Variants in TSEN2 observed in about 807,000 individuals in gnomAD.
TSEN2 encodes the protein tRNA splicing endonuclease subunit 2.
Under a neutral mutation model 59.2 loss-of-function variants are expected in TSEN2, and 54 were observed. That is an observed-to-expected ratio of 0.91 (90% confidence interval 0.73 to 1.14). The LOEUF is 1.14. Ranked by LOEUF, TSEN2 falls within the 50% of genes most tolerant of loss-of-function variation. TSEN2 has a pLI of 0.00. For missense variants in TSEN2, 636 were observed against 576.2 expected (o/e 1.10, Z -1.06); for synonymous variants, 195 against 198.2 (o/e 0.98, Z 0.14).
intron 6 of TSEN2, among the ~76,000 whole-genome samples, chr3:12,510,253 C>T (rs116508655): frequency 0.026 from 3,965 of 152,196 alleles, 176 homozygotes; most frequent in African/African-American, 0.089. Flanking sequence ...ACCTTGCCAC[C>T]GTCACCAGAC....
intron 8 of TSEN2, among the ~76,000 whole-genome samples, 181 bp from the exon 9 acceptor site, chr3:12,528,707 G>A (rs554628243): frequency 2.0e-5 from 3 of 152,306 alleles, no homozygotes; most frequent in South Asian, 4.1e-4. Context: ...GTGACAGAGC[G>A]AGACCCTGTC....
At chr3:12,486,179 T>C (rs2052595104) in intron 1 of TSEN2, among the ~76,000 whole-genome samples, 1 of 152,172 alleles carries the variant, frequency 6.6e-6, no homozygotes, top group African/African-American at 2.4e-5. Flanking sequence ...ATGCAGTGAG[T>C]GCCTCTGGCA....
intron 4 of TSEN2, among the ~76,000 whole-genome samples, chr3:12,498,861 A>G (rs56738535): frequency 0.014 from 2,125 of 152,320 alleles, 54 homozygotes; most frequent in African/African-American, 0.046. Flanking sequence ...TTTGCTAAAT[A>G]TAAGAAAAAT....
chr3:12,525,753 AAG>A (rs2057023979), intron 8 of TSEN2, among the ~76,000 whole-genome samples: 1 of 151,212 alleles, frequency 6.6e-6, no homozygotes, highest in Non-Finnish European at 1.5e-5. Context: ...TTAGTAGAGA[AAG>A]GGTTTCAATG....
At chr3:12,536,707 A>G (rs914552923), downstream of TSEN2, among the ~76,000 whole-genome samples, 3 of 152,076 alleles carry the variant, frequency 2.0e-5, no homozygotes, top group Non-Finnish European at 4.4e-5. Context: ...GGTCTTATTT[A>G]TAAGAGGAGG....
At chr3:12,508,715 T>A (rs574172949) in intron 6 of TSEN2, among the ~76,000 whole-genome samples, 1 of 152,302 alleles carries the variant, frequency 6.6e-6, no homozygotes, top group South Asian at 2.1e-4. Flanking sequence ...GAAATTTTCA[T>A]AGAGTAATTG....
intron 4 of TSEN2, among the ~76,000 whole-genome samples, chr3:12,499,007 A>T (rs1575278230): frequency 6.6e-6 from 1 of 151,994 alleles, no homozygotes; most frequent in South Asian, 2.1e-4. Flanking sequence ...TGATCCTCCC[A>T]CCTCAGCCTC....
Position 12,532,886 on chromosome 3 carries a change from G to C in TSEN2, c.*165G>C. On this transcript the variant is annotated 3_prime_UTR_variant, in exon 12 of 12. Coordinates refer to ENST00000284995, the MANE Select transcript of TSEN2 (RefSeq NM_025265.4). ...TTTAAAGATAAATTACACAAGGGAG[G>C]AGAAAGATCCCTGTGCTAGGACTGC... 1 of 707,828 alleles carries C rather than the reference G, an allele frequency of 1.4e-6. No individual in the cohort carries two copies. Among genetic ancestry groups the C allele is most frequent in the Non-Finnish European group, 2.4e-6 (1 of 409,962 alleles). 43.8% of individuals were successfully genotyped at this position (707,828 alleles called of 1,614,324 possible). A position where few individuals can be genotyped will look rare whatever the true frequency, so the allele number is the denominator to read the frequency against.
intron 6 of TSEN2, among the ~76,000 whole-genome samples, chr3:12,508,106 G>A (rs1036127254): frequency 1.3e-5 from 2 of 152,172 alleles, no homozygotes; most frequent in African/African-American, 4.8e-5. Context: ...TATGGAGGGT[G>A]GGCTGGAGGC....
intron 6 of TSEN2, 124 bp from the exon 7 acceptor site, chr3:12,516,487 T>TGTGA: frequency 1.4e-6 from 1 of 690,004 alleles, no homozygotes. Flanking sequence ...TGTGTGTGTG[T>TGTGA]GACCTTTTTG....
At chr3:12,516,768 A>G (rs2056169184) in intron 7 of TSEN2, 107 bp downstream of exon 7, 1 of 1,157,314 alleles carries the variant, frequency 8.6e-7, no homozygotes, top group Non-Finnish European at 1.3e-6. Context: ...ACTCTTACTG[A>G]ATAAAATAGG....
exon 11 of TSEN2, chr3:12,539,190 A>G (rs180803822): frequency 3.3e-5 from 14 of 423,124 alleles, no homozygotes; most frequent in Admixed American, 8.8e-5. Context: ...CTGGAGTCCA[A>G]TGCTGCGATC....
intron 6 of TSEN2, among the ~76,000 whole-genome samples, chr3:12,507,446 A>T (rs981839036): frequency 2.0e-5 from 3 of 152,216 alleles, no homozygotes; most frequent in African/African-American, 4.8e-5. Flanking sequence ...ATGTTCTGGA[A>T]ATTAAATAAT....
intron 1 of TSEN2, among the ~76,000 whole-genome samples, chr3:12,488,346 G>C (rs913898676): frequency 2.6e-5 from 4 of 152,176 alleles, no homozygotes; most frequent in South Asian, 2.1e-4. Flanking sequence ...TCAAGCACCA[G>C]GTAAGCTCTC....
At chr3:12,502,064 T>C (rs1252930792) in intron 4 of TSEN2, among the ~76,000 whole-genome samples, 1 of 152,212 alleles carries the variant, frequency 6.6e-6, no homozygotes, top group African/African-American at 2.4e-5. Flanking sequence ...AAAAGGGCCA[T>C]TTCTGTTAGA....
chr3:12,509,044 G>T (rs2055139744), intron 6 of TSEN2, among the ~76,000 whole-genome samples: 1 of 152,068 alleles, frequency 6.6e-6, no homozygotes, highest in African/African-American at 2.4e-5. Context: ...TTAATCAAAT[G>T]CTTTTTAATT....
At chr3:12,485,998 C>T (rs2052576503) in intron 1 of TSEN2, among the ~76,000 whole-genome samples, 1 of 152,098 alleles carries the variant, frequency 6.6e-6, no homozygotes, top group African/African-American at 2.4e-5. Flanking sequence ...ATTAGGTATT[C>T]TAAGTAATCT....
At chr3:12,511,800 C>T (rs1027681835) in intron 6 of TSEN2, among the ~76,000 whole-genome samples, 1 of 152,136 alleles carries the variant, frequency 6.6e-6, no homozygotes, top group Admixed American at 6.6e-5. Context: ...CTCCTAGGCT[C>T]AAGTGAACCA....
chr3:12,539,220 G>T, exon 11 of TSEN2: 1 of 412,136 alleles, frequency 2.4e-6, no homozygotes, highest in Non-Finnish European at 4.7e-6. Flanking sequence ...TGCAACCTCT[G>T]CCTGCTGGGT....
Sources: gnomAD v4.1 joint callset for allele counts (sites outside exome capture counted in the v4.1 genomes callset) on GRCh38, gnomAD v4.1.1 for gene constraint, MANE v1.5 for transcripts, NCBI Gene and HGNC (gene_info 2026-07-23, HGNC 2026-07-21) for gene names.